The following LRRC20 variants were observed in gnomAD, a reference collection of about 807,000 sequenced individuals.
The protein encoded by LRRC20 is leucine-rich repeat-containing protein 20.
Under a neutral mutation model 14.4 loss-of-function variants are expected in LRRC20, and 11 were observed. That is an observed-to-expected ratio of 0.77 (90% CI 0.48 to 1.27). LRRC20 has a LOEUF of 1.27. LRRC20 is among the 50% of genes most tolerant of loss of function. LRRC20 has a pLI of 0.00. For missense variants in LRRC20, 219 were observed against 251.2 expected, an observed-to-expected ratio of 0.87 and a Z score of 0.87; for synonymous variants, 121 against 107.3, an observed-to-expected ratio of 1.13 and a Z score of -0.79.
chr10:70,363,697 T>C (rs1467459645), intron 2 of LRRC20, among the ~76,000 whole-genome samples: 1 of 152,132 alleles, frequency 6.6e-6, no homozygotes, highest in Non-Finnish European at 1.5e-5. Flanking sequence ...TCCTTTCAAA[T>C]AGGTGCAGAG....
chr10:70,322,394 G>C (rs970710629), intron 4 of LRRC20, among the ~76,000 whole-genome samples: 17 of 152,222 alleles, frequency 1.1e-4, no homozygotes, highest in African/African-American at 3.9e-4. Context: ...ACAGAGACGG[G>C]AGACGAAGGA....
At chr10:70,363,597 C>A (rs1273349814) in intron 2 of LRRC20, among the ~76,000 whole-genome samples, 1 of 152,198 alleles carries the variant, frequency 6.6e-6, no homozygotes, top group African/African-American at 2.4e-5. Flanking sequence ...TCTTACCAAG[C>A]ACAGGACAGC....
At chr10:70,320,443 T>C (rs1339579149) in intron 4 of LRRC20, among the ~76,000 whole-genome samples, 3 of 152,238 alleles carry the variant, frequency 2.0e-5, no homozygotes, top group Admixed American at 2.0e-4. Context: ...TCTATTTTAC[T>C]GCATTAAAAA....
chr10:70,355,969 A>G (rs1404254514), intron 2 of LRRC20, among the ~76,000 whole-genome samples: 2 of 152,182 alleles, frequency 1.3e-5, no homozygotes, highest in Non-Finnish European at 2.9e-5. Context: ...CTCTCTAGGA[A>G]ATAATGTGCT....
At chr10:70,336,203 C>T (rs567909332) in intron 3 of LRRC20, among the ~76,000 whole-genome samples, 2 of 152,342 alleles carry the variant, frequency 1.3e-5, no homozygotes, top group East Asian at 1.9e-4. Flanking sequence ...ATCACTCACC[C>T]GTGCATTCCC....
intron 2 of LRRC20, among the ~76,000 whole-genome samples, chr10:70,373,683 G>A (rs528187899): frequency 6.6e-5 from 10 of 152,178 alleles, no homozygotes; most frequent in Admixed American, 2.6e-4. Flanking sequence ...AGGCAAGATC[G>A]CCATGGCTAA....
At chr10:70,322,739 C>T (rs921680767) in intron 4 of LRRC20, among the ~76,000 whole-genome samples, 2 of 152,106 alleles carry the variant, frequency 1.3e-5, no homozygotes, top group African/African-American at 2.4e-5. Context: ...ATCCTGGCAC[C>T]GCGGCAGTCT....
chr10:70,317,457 G>A (rs1305675296), intron 4 of LRRC20, among the ~76,000 whole-genome samples: 1 of 151,878 alleles, frequency 6.6e-6, no homozygotes, highest in Non-Finnish European at 1.5e-5. Context: ...TTGCAGCCTT[G>A]AACTCCTGGG....
intron 2 of LRRC20, among the ~76,000 whole-genome samples, chr10:70,360,663 G>A (rs956429493): frequency 2.0e-5 from 3 of 151,966 alleles, no homozygotes; most frequent in Admixed American, 6.6e-5. Context: ...GGCTGGTCTT[G>A]AACTCCGGGG....
At chr10:70,305,266 A>T (rs1399202348) in intron 4 of LRRC20, among the ~76,000 whole-genome samples, 1 of 152,240 alleles carries the variant, frequency 6.6e-6, no homozygotes, top group Non-Finnish European at 1.5e-5. Context: ...GTCCATGGTC[A>T]CTTGGGTTGT....
At chr10:70,367,999 T>TATGTTATGTTATGTTATGCTATG (rs1403701408) in intron 2 of LRRC20, among the ~76,000 whole-genome samples, 1 of 145,942 alleles carries the variant, frequency 6.9e-6, no homozygotes, top group African/African-American at 2.5e-5. Flanking sequence ...TATGTTATTT[T>TATGTTATGTTATGTTATGCTATG]TTGAGATGGA....
At chr10:70,347,869 T>C (rs1313254018) in intron 2 of LRRC20, among the ~76,000 whole-genome samples, 1 of 148,240 alleles carries the variant, frequency 6.7e-6, no homozygotes, top group East Asian at 2.0e-4. Context: ...ACAAGCAACA[T>C]ACAAGCCCTC....
chr10:70,313,847 G>C (rs1274127369), intron 4 of LRRC20, among the ~76,000 whole-genome samples: 2 of 152,150 alleles, frequency 1.3e-5, no homozygotes, highest in African/African-American at 4.8e-5. Flanking sequence ...GTATCTTTCA[G>C]ACTCTGCATT....
At chr10:70,345,710 T>G (rs140974604) in intron 2 of LRRC20, among the ~76,000 whole-genome samples, 1 of 152,224 alleles carries the variant, frequency 6.6e-6, no homozygotes, top group Non-Finnish European at 1.5e-5. Flanking sequence ...AGAATATTTA[T>G]GCCAATTTAC....
chr10:70,361,843 C>T (rs1477655724), intron 2 of LRRC20, among the ~76,000 whole-genome samples: 1 of 152,024 alleles, frequency 6.6e-6, no homozygotes, highest in Admixed American at 6.6e-5. Context: ...AAAATAAGCA[C>T]CTTAGCCAAA....
intron 3 of LRRC20, among the ~76,000 whole-genome samples, chr10:70,326,392 TGGGA>T (rs1842324701): frequency 6.6e-6 from 1 of 151,876 alleles, no homozygotes; most frequent in Non-Finnish European, 1.5e-5. Flanking sequence ...CTGGGGTTCT[TGGGA>T]GGAACTACAT....
At chr10:70,346,445 G>C (rs1482363385) in intron 2 of LRRC20, among the ~76,000 whole-genome samples, 1 of 152,124 alleles carries the variant, frequency 6.6e-6, no homozygotes, top group Non-Finnish European at 1.5e-5. Context: ...TTAACCATTT[G>C]TTTCCCCTAT....
rs528409698 is a variant in LRRC20 at position 70,343,787 on chromosome 10, G to A, written c.83-3085C>T. 9.8e-4 allele frequency among the ~76,000 whole-genome samples: 149 copies of A among 152,312 alleles called. No homozygotes were observed. The South Asian group carries it at 0.011, about 11-fold the overall frequency. On this transcript the variant is annotated intron_variant, in intron 2 of 4. Transcript: ENST00000446961. The stretch of plus-strand genomic sequence containing the variant: ...CACCAGTCCCTTTGGGTAGGAGTAG[G>A]CAGATCTCATCATACATCCCAGGAG...
chr10:70,312,808 G>A (rs1259726290), intron 4 of LRRC20, among the ~76,000 whole-genome samples: 3 of 152,202 alleles, frequency 2.0e-5, no homozygotes, highest in East Asian at 1.9e-4. Context: ...TGCTCTCCAG[G>A]GAGGAGGGGG....
Sources: gnomAD v4.1 joint callset for allele counts (sites outside exome capture counted in the v4.1 genomes callset) on GRCh38, gnomAD v4.1.1 for gene constraint, MANE v1.5 for transcripts, NCBI Gene and HGNC (gene_info 2026-07-23, HGNC 2026-07-21) for gene names.